Variants in PYGB observed in about 807,000 individuals in gnomAD.
PYGB encodes the protein glycogen phosphorylase, brain form.
In PYGB, 82 loss-of-function variants were observed where a neutral mutation model predicts 94.3. The observed-to-expected ratio is 0.87, with a 90% CI of 0.73 to 1.04. The LOEUF (loss-of-function observed/expected upper bound fraction) is 1.04, where lower values mean the gene tolerates loss of function less well. PYGB is among the 50% of genes least tolerant of loss of function. The probability of loss-of-function intolerance (pLI) is 0.00; values close to 1 mark genes in which losing one functional copy is unlikely to be tolerated. For synonymous variants in PYGB, 488 were observed against 479.1 expected, an observed-to-expected ratio of 1.02 and a Z score of -0.24; for missense variants, 1,132 against 1,158.2, an observed-to-expected ratio of 0.98 and a Z score of 0.33.
chr20:25,251,132 C>G (rs547178283), intron 1 of PYGB: 1 of 152,318 alleles, frequency 6.6e-6, no homozygotes, highest in South Asian at 2.1e-4. Context: ...AAACATCTGG[C>G]TAACATGGAG....
chr20:25,258,541 GC>G (rs1328416658), intron 1 of PYGB, among the ~76,000 whole-genome samples: 3 of 152,252 alleles, frequency 2.0e-5, no homozygotes, highest in Non-Finnish European at 4.4e-5. Flanking sequence ...GCCGCTGCAG[GC>G]CCGTGGATGG....
intron 10 of PYGB, 78 bp from the exon 11 acceptor site, chr20:25,280,871 G>A: frequency 6.6e-7 from 1 of 1,514,102 alleles, no homozygotes; most frequent in Non-Finnish European, 9.0e-7. Flanking sequence ...GTCATGGAGT[G>A]TCCCCTGGTC....
At chr20:25,275,866 C>T (rs1201528570) in intron 5 of PYGB, among the ~76,000 whole-genome samples, 2 of 152,172 alleles carry the variant, frequency 1.3e-5, no homozygotes, top group Admixed American at 6.5e-5. Context: ...GAAAGGGATA[C>T]TGGGGTTTTA....
chr20:25,273,782 C>T (rs1413532905), intron 4 of PYGB, among the ~76,000 whole-genome samples: 1 of 152,242 alleles, frequency 6.6e-6, no homozygotes, highest in Non-Finnish European at 1.5e-5. Context: ...GTCCTCACTG[C>T]CAGCTGCCAA....
Position 25,296,455 on chromosome 20 carries a change from C to T in PYGB, c.2465C>T (p.Ala822Val). The change falls in exon 20 of 20, where the codon GCA (alanine) becomes GTA (valine). Residue 822 changes from alanine (A) to valine (V), a missense_variant. Physicochemically the swap from Ala to Val is moderately conservative, Grantham distance 64 (BLOSUM62 0). Transcript: ENST00000216962. The part of the protein sequence containing the change: ...FSSDRTITEY[A>V]REIWGVEPSD... The stretch of plus-strand genomic sequence containing the variant: ...AGTGACCGGACCATCACGGAGTATG[C>T]ACGGGAGATCTGGGGTGTGGAGCCC... The T allele has an allele frequency of 6.2e-7, 1 of 1,614,040 alleles. No homozygotes were observed. Among genetic ancestry groups the T allele is most frequent in the Non-Finnish European group, 8.5e-7 (1 of 1,180,042 alleles).
chr20:25,269,262 C>A (rs960271332), intron 3 of PYGB, 55 bp downstream of exon 3: 2 of 1,443,662 alleles, frequency 1.4e-6, no homozygotes, highest in Non-Finnish European at 1.9e-6. Context: ...TGGTTGGAGG[C>A]CACGTGGTGA....
In PYGB at chr20:25,297,083, T is replaced by C; in HGVS notation, c.*561T>C. 1 of 159,324 alleles carries C rather than the reference T, an allele frequency of 6.3e-6. No individual in the cohort carries two copies. Among genetic ancestry groups the C allele is most frequent in the Non-Finnish European group, 1.4e-5 (1 of 72,034 alleles). 9.9% of individuals were successfully genotyped at this position (159,324 alleles called of 1,614,324 possible). On this transcript the variant is annotated 3_prime_UTR_variant, in exon 20 of 20. Coordinates refer to ENST00000216962, the MANE Select transcript of PYGB (RefSeq NM_002862.4). ...TCACAGCCCCCTGCCCCCTGCCCTC[T>C]GTCCTGGCTCTGCACCTGGTATATG...
At chr20:25,292,151 G>T (rs1012783702) in intron 16 of PYGB, among the ~76,000 whole-genome samples, 1 of 152,210 alleles carries the variant, frequency 6.6e-6, no homozygotes, top group Non-Finnish European at 1.5e-5. Flanking sequence ...ATGCCACCTG[G>T]CTCCTGAGGA....
chr20:25,281,251 AGAG>A, intron 11 of PYGB, 139 bp downstream of exon 11: 2 of 1,194,498 alleles, frequency 1.7e-6, no homozygotes, highest in South Asian at 1.5e-5. Context: ...TAGGAATGAC[AGAG>A]CTGCCCAGAA....
At chr20:25,281,486 T>C (rs545050553) in intron 11 of PYGB, among the ~76,000 whole-genome samples, 76 of 152,230 alleles carry the variant, frequency 5.0e-4, no homozygotes, top group Non-Finnish European at 9.4e-4. Context: ...GGTCAGATCT[T>C]GTTCTTGCCC....
intron 17 of PYGB, chr20:25,293,837 C>T (rs1600744892): frequency 4.4e-5 from 17 of 383,346 alleles, no homozygotes; most frequent in South Asian, 4.1e-4. Flanking sequence ...CACAGTGAGC[C>T]AAGTTCTGAG....
In PYGB at chr20:25,248,212, A is replaced by G; in HGVS notation, c.34A>G (p.Lys12Glu). The change falls in exon 1 of 20, where the codon AAG (lysine) becomes GAG (glutamate). Residue 12 changes from lysine to glutamate, a missense_variant. Lys to Glu is a moderately conservative substitution (Grantham distance 56). Transcript: ENST00000216962. ...GCCGCTGACGGACAGCGAGAAGCGG[A>G]AGCAGATCAGCGTGCGCGGCCTGGC... ...AKPLTDSEKR[K>E]QISVRGLAGL... is the part of the protein sequence containing the mutation. 1 of 1,593,598 alleles carries G rather than the reference A, an allele frequency of 6.3e-7. No homozygotes were observed. The highest frequency in any genetic ancestry group is 1.1e-5 in the South Asian group (1 of 88,608).
rs199918488 is a variant in PYGB at position 25,297,158 on chromosome 20, T to C, written c.*636T>C. On this transcript the variant is annotated 3_prime_UTR_variant, in exon 20 of 20. Coordinates refer to ENST00000216962, the MANE Select transcript of PYGB (RefSeq NM_002862.4). ...CCCTTTGTAGCCATCCAATGGGCAT[T>C]GTGTGGGTGCTTGGAACCCGGGATG... 4 of 152,762 alleles carry C rather than the reference T, an allele frequency of 2.6e-5. No homozygotes were observed. The highest frequency in any genetic ancestry group is 5.8e-5 in the Non-Finnish European group (4 of 68,492). The allele number at this position is 152,762 out of a possible 1,614,324, so 9.5% of individuals were successfully genotyped here.
chr20:25,276,846 C>T, intron 6 of PYGB, 89 bp downstream of exon 6: 1 of 1,269,924 alleles, frequency 7.9e-7, no homozygotes, highest in South Asian at 1.3e-5. Context: ...CGCCCTGTGG[C>T]TCACTGTCCT....
Position 25,296,465 on chromosome 20 carries a change from C to A in PYGB, c.2475C>A (p.Ile825=). 2 of 1,613,972 alleles carry A rather than the reference C, an allele frequency of 1.2e-6. No individual in the cohort carries two copies. Among genetic ancestry groups the A allele is most frequent in the Non-Finnish European group, 8.5e-7 (1 of 1,180,028 alleles). ...CCATCACGGAGTATGCACGGGAGATCTGGGGTGTGGAGCCCTCCGACCTGC... is the reference window on the plus strand; with the variant it reads ...CCATCACGGAGTATGCACGGGAGATATGGGGTGTGGAGCCCTCCGACCTGC... The part of the protein sequence containing the change: ...DRTITEYARE[I]WGVEPSDLQI... The change falls in exon 20 of 20, where the codon ATC becomes ATA. Residue 825 remains isoleucine (I), a synonymous_variant. Coordinates refer to ENST00000216962, the MANE Select transcript of PYGB (RefSeq NM_002862.4).
intron 1 of PYGB, among the ~76,000 whole-genome samples, chr20:25,255,736 CT>C (rs777407638): frequency 0.059 from 8,535 of 144,838 alleles, 262 homozygotes; most frequent in Middle Eastern, 0.14. Context: ...CCGCCCAACT[CT>C]TTTTTTTTTT....
Position 25,277,235 on chromosome 20 carries a change from T to C in PYGB, c.773-9T>C. On this transcript the variant is annotated splice_polypyrimidine_tract_variant and intron_variant, in intron 6 of 19. Coordinates refer to ENST00000216962, the MANE Select transcript of PYGB (RefSeq NM_002862.4). Reference sequence around the variant, plus strand: ...ATGTGTGTGTTGACCCCGCTCCATTTCTTCTTAGTCAACGTGGGAGACTAC... The same window carrying C: ...ATGTGTGTGTTGACCCCGCTCCATTCCTTCTTAGTCAACGTGGGAGACTAC... 6.5e-7 allele frequency: 1 copy of C among 1,548,276 alleles called. No individual in the cohort carries two copies.
In PYGB at chr20:25,290,485, C is replaced by T. The variant is rs1438151389; in HGVS notation, c.1832C>T (p.Ala611Val). 5.0e-6 allele frequency: 8 copies of T among 1,603,976 alleles called. No individual in the cohort carries two copies. In the African/African-American group the frequency reaches 8.0e-5, roughly 16 times the overall value. Residue 611 changes from alanine (A) to valine (V), a missense_variant, in exon 16 of 20, where the codon GCG becomes GTG. Coordinates refer to ENST00000216962, the MANE Select transcript of PYGB (RefSeq NM_002862.4). Reference protein sequence around the residue: ...PRTVMIGGKAAPGYHMAKLII... With the variant: ...PRTVMIGGKAVPGYHMAKLII... ...ACCTTCACCCTCTCCTTCCAGGCAGCGCCCGGTTACCACATGGCCAAGCTG... is the reference window on the plus strand; with the variant it reads ...ACCTTCACCCTCTCCTTCCAGGCAGTGCCCGGTTACCACATGGCCAAGCTG...
chr20:25,295,707 G>A lies in PYGB; in HGVS notation c.2379+37G>A, dbSNP rs2258728. 0.44 allele frequency: 696,116 copies of A among 1,573,822 alleles called. 160,847 individuals carry two copies. Among genetic ancestry groups the A allele is most frequent in the East Asian group, 0.92 (40,879 of 44,598 alleles). ...GGGTCCAGAGGCTAGGGGAGCAGCTGGGTGGGTCCATGTAGACGTGTTGGG... is the reference window on the plus strand; with the variant it reads ...GGGTCCAGAGGCTAGGGGAGCAGCTAGGTGGGTCCATGTAGACGTGTTGGG... On this transcript the variant is annotated intron_variant, in intron 19 of 19. Coordinates refer to ENST00000216962, the MANE Select transcript of PYGB (RefSeq NM_002862.4).
Sources: gnomAD v4.1 joint callset for allele counts (sites outside exome capture counted in the v4.1 genomes callset) on GRCh38, gnomAD v4.1.1 for gene constraint, MANE v1.5 for transcripts, NCBI Gene and HGNC (gene_info 2026-07-23, HGNC 2026-07-21) for gene names.